XPO7: variants seen among roughly 807,000 people sequenced by gnomAD.
XPO7 encodes exportin 7.
In XPO7, 21 loss-of-function variants were observed where a neutral mutation model predicts 144.3. The observed-to-expected ratio is 0.15, with a 90% CI of 0.10 to 0.21. The LOEUF (loss-of-function observed/expected upper bound fraction) is 0.21. XPO7 is among the 10% of genes least tolerant of loss of function. XPO7 has a pLI of 1.00. For missense variants in XPO7, 808 were observed against 1,325.8 expected, an observed-to-expected ratio of 0.61 and a Z score of 6.06; for synonymous variants, 580 against 499.6, an observed-to-expected ratio of 1.16 and a Z score of -2.15.
intron 1 of XPO7, among the ~76,000 whole-genome samples, chr8:21,954,644 A>G (rs943912818): frequency 6.6e-6 from 1 of 152,212 alleles, no homozygotes; most frequent in Non-Finnish European, 1.5e-5. Flanking sequence ...AAAAAAATAA[A>G]TAAATAAATG....
chr8:21,930,244 G>A (rs535390296), intron 1 of XPO7, among the ~76,000 whole-genome samples: 1 of 152,088 alleles, frequency 6.6e-6, no homozygotes, highest in Non-Finnish European at 1.5e-5. Context: ...TGGTTATTTG[G>A]TGAGATACAC....
At chr8:21,938,097 C>T (rs1355594866) in intron 1 of XPO7, among the ~76,000 whole-genome samples, 2 of 151,914 alleles carry the variant, frequency 1.3e-5, no homozygotes, top group Non-Finnish European at 2.9e-5. Context: ...CAGATATTAA[C>T]AATAGTAAAA....
In XPO7 at chr8:21,991,938, G is replaced by A. The variant is rs764879403; in HGVS notation, c.2112G>A (p.Met704Ile). ...LTAAFEAVAQ[M>I]FSTNSFNEQE... ...CAGCATTTGAGGCTGTGGCCCAGAT[G>A]TTTAGCACCAATAGTTTCAACGAGC... The change falls in exon 19 of 28, where the codon ATG becomes ATA. Residue 704 changes from methionine to isoleucine, a missense_variant. This residue lies in a region of XPO7 where 416 missense variants were observed against 612.5 expected (regional missense o/e 0.68). Transcript: ENST00000252512. 17 of 1,613,570 alleles carry A rather than the reference G, an allele frequency of 1.1e-5. No individual in the cohort carries two copies. The South Asian group carries it at 1.3e-4, about 13-fold the overall frequency.
At chr8:21,974,164 C>A (rs567657620) in intron 5 of XPO7, among the ~76,000 whole-genome samples, 1 of 152,242 alleles carries the variant, frequency 6.6e-6, no homozygotes, top group African/African-American at 2.4e-5. Flanking sequence ...CTAGGACTTA[C>A]AGGCATGCAC....
rs187472572 is a variant in XPO7, at chr8:21,950,823, A to G, written c.19-16034A>G. ...TTTTTATATTCTACCGTAAATTTATATAGAAAATGAGGTATATATAAAGTA... is the reference window on the plus strand; with the variant it reads ...TTTTTATATTCTACCGTAAATTTATGTAGAAAATGAGGTATATATAAAGTA... On this transcript the variant is annotated intron_variant, in intron 1 of 27. Transcript: ENST00000252512. Among the ~76,000 whole-genome samples the G allele has an allele frequency of 1.4e-3, 217 of 152,242 alleles. 1 individual carries two copies. The highest frequency in any genetic ancestry group is 4.7e-3 in the African/African-American group (194 of 41,558).
intron 27 of XPO7, 74 bp from the exon 28 acceptor site, chr8:22,004,919 TAA>T (rs10548676): frequency 0.065 from 17,692 of 271,606 alleles, 7 homozygotes; most frequent in South Asian, 0.096. Flanking sequence ...TCCCATGCTT[TAA>T]AAAAAAAAAA....
intron 1 of XPO7, among the ~76,000 whole-genome samples, chr8:21,957,003 T>A (rs1293991528): frequency 6.6e-6 from 1 of 152,222 alleles, no homozygotes; most frequent in African/African-American, 2.4e-5. Flanking sequence ...TGGCGAGGCT[T>A]GTCTGCTGAG....
At chr8:21,998,681 G>C (rs1476481570) in intron 21 of XPO7, 74 bp from the exon 22 acceptor site, 2 of 1,297,700 alleles carry the variant, frequency 1.5e-6, no homozygotes, top group Non-Finnish European at 2.2e-6. Context: ...AAGGTACTCA[G>C]ATGAGAGCCT....
intron 1 of XPO7, among the ~76,000 whole-genome samples, chr8:21,941,445 C>T (rs1810991370): frequency 6.6e-6 from 1 of 152,210 alleles, no homozygotes; most frequent in Non-Finnish European, 1.5e-5. Flanking sequence ...AGCCACTGCA[C>T]TCAGACTCAT....
intron 1 of XPO7, among the ~76,000 whole-genome samples, chr8:21,927,143 G>A (rs187463924): frequency 9.7e-4 from 148 of 152,212 alleles, no homozygotes; most frequent in African/African-American, 3.5e-3. Context: ...CAGCTACTGG[G>A]GGGGAGGCTA....
chr8:21,946,403 T>G (rs1409827767), intron 1 of XPO7, among the ~76,000 whole-genome samples: 6 of 151,810 alleles, frequency 4.0e-5, no homozygotes, highest in Non-Finnish European at 8.8e-5. Flanking sequence ...ACTCAGTGAA[T>G]AGATTAGCAT....
intron 8 of XPO7, 92 bp from the exon 9 acceptor site, chr8:21,979,992 A>G (rs917751835): frequency 7.6e-7 from 1 of 1,323,958 alleles, no homozygotes; most frequent in African/African-American, 1.5e-5. Flanking sequence ...CAGATATCCT[A>G]AAGAAGGATA....
At chr8:21,944,614 T>C (rs1811099570) in intron 1 of XPO7, among the ~76,000 whole-genome samples, 2 of 152,078 alleles carry the variant, frequency 1.3e-5, no homozygotes, top group South Asian at 4.2e-4. Context: ...ATTCTTTTAA[T>C]TTTTTTAGTA....
intron 1 of XPO7, among the ~76,000 whole-genome samples, chr8:21,949,047 A>G (rs1811285526): frequency 1.3e-5 from 2 of 152,208 alleles, no homozygotes; most frequent in Non-Finnish European, 1.5e-5. Flanking sequence ...AACAGATGAA[A>G]GTTTCCACAA....
At chr8:21,973,412 G>C (rs1812129610) in intron 5 of XPO7, among the ~76,000 whole-genome samples, 1 of 152,122 alleles carries the variant, frequency 6.6e-6, no homozygotes, top group Admixed American at 6.5e-5. Context: ...CAGATTGTAT[G>C]ATACATAATC....
intron 1 of XPO7, among the ~76,000 whole-genome samples, chr8:21,922,376 C>G (rs1449492414): frequency 6.6e-6 from 1 of 152,138 alleles, no homozygotes; most frequent in African/African-American, 2.4e-5. Flanking sequence ...AGGCAAGTGT[C>G]TGTAGAAGTG....
chr8:21,947,773 G>C (rs1466667072), intron 1 of XPO7, among the ~76,000 whole-genome samples: 1 of 152,142 alleles, frequency 6.6e-6, no homozygotes, highest in East Asian at 1.9e-4. Context: ...GAGGGAAAAA[G>C]CAATCTACAA....
At position 22,003,333 on chromosome 8, in the gene XPO7, C is replaced by T. The variant is rs1475606813; in HGVS notation, c.3042+16C>T. The T allele has an allele frequency of 6.3e-7, 1 of 1,594,692 alleles. No individual in the cohort carries two copies. Among genetic ancestry groups the T allele is most frequent in the Non-Finnish European group, 8.6e-7 (1 of 1,169,544 alleles). The stretch of plus-strand genomic sequence containing the variant: ...TAATGAAAAGGTGAGAGAGCCAGCT[C>T]CCTGGTGCCAACCCAGAAGCAGTGG... On this transcript the variant is annotated intron_variant, in intron 26 of 27. Coordinates refer to ENST00000252512, the MANE Select transcript of XPO7 (RefSeq NM_015024.5).
chr8:21,951,982 T>C (rs547929768), intron 1 of XPO7, among the ~76,000 whole-genome samples: 1 of 152,206 alleles, frequency 6.6e-6, no homozygotes, highest in African/African-American at 2.4e-5. Context: ...TCAGTAAAAA[T>C]CCAGTACCAT....
Sources: gnomAD v4.1 joint callset for allele counts (sites outside exome capture counted in the v4.1 genomes callset) on GRCh38, gnomAD v4.1.1 for gene constraint, gnomAD v4.1.1 regional missense constraint, MANE v1.5 for transcripts, NCBI Gene and HGNC (gene_info 2026-07-23, HGNC 2026-07-21) for gene names.